Variants in DIAPH2 observed in about 807,000 individuals in gnomAD.
The protein encoded by DIAPH2 is diaphanous related formin 2, also known as protein diaphanous homolog 2.
In DIAPH2, 35 loss-of-function variants were observed where a neutral mutation model predicts 92.7. The observed-to-expected ratio is 0.38, with a 90% CI of 0.29 to 0.50. The LOEUF (loss-of-function observed/expected upper bound fraction) is 0.50. Ranked by LOEUF, DIAPH2 falls within the 20% of genes least tolerant of loss-of-function variation. The pLI is 0.94. For synonymous variants in DIAPH2, 301 were observed against 280.4 expected (o/e 1.07, Z -0.73); for missense variants, 701 against 819.5 (o/e 0.86, Z 1.77).
intron 4 of DIAPH2, among the ~76,000 whole-genome samples, chrX:96,836,717 A>ATATAT (rs2064894108): frequency 2.1e-4 from 4 of 18,895 alleles, no homozygotes; most frequent in Non-Finnish European, 2.6e-4. Flanking sequence ...ATATATATAT[A>ATATAT]TTTTTTTTTT....
In DIAPH2 at chrX:97,441,888, G is replaced by A. The variant is rs766370875; in HGVS notation, c.3241+12143G>A. 3.5e-5 allele frequency among the ~76,000 whole-genome samples: 4 copies of A among 113,342 alleles called. No homozygotes were observed. The East Asian group carries it at 1.1e-3, about 31-fold the overall frequency. On this transcript the variant is annotated intron_variant, in intron 26 of 26. Coordinates refer to ENST00000324765, the MANE Select transcript of DIAPH2 (RefSeq NM_006729.5). ...CACATGTATTGGCTAATAAGATCTAGCTTTGCATTAAGGAAGCTAGAAACT... is the reference window on the plus strand; with the variant it reads ...CACATGTATTGGCTAATAAGATCTAACTTTGCATTAAGGAAGCTAGAAACT...
chrX:97,349,792 G>A (rs1034745285), intron 24 of DIAPH2, among the ~76,000 whole-genome samples: 1 of 110,097 alleles, frequency 9.1e-6, no homozygotes, highest in African/African-American at 3.3e-5. Flanking sequence ...AATGAGAAGA[G>A]GGCTAAGAGA....
At chrX:97,377,791 A>G (rs1402640511) in intron 24 of DIAPH2, among the ~76,000 whole-genome samples, 1 of 111,698 alleles carries the variant, frequency 9.0e-6, no homozygotes, top group African/African-American at 3.3e-5. Context: ...TGGCCATAAA[A>G]TTACAGGTAA....
At chrX:96,822,545 A>G (rs902175141) in intron 4 of DIAPH2, among the ~76,000 whole-genome samples, 3 of 111,985 alleles carry the variant, frequency 2.7e-5, no homozygotes, top group African/African-American at 9.7e-5. Context: ...TTACTAGAGC[A>G]GTAGACAAAG....
intron 19 of DIAPH2, among the ~76,000 whole-genome samples, chrX:97,079,163 C>T (rs777816575): frequency 1.8e-4 from 20 of 111,055 alleles, no homozygotes; most frequent in African/African-American, 5.9e-4. Context: ...CTCCCTATTG[C>T]ATTTTACTTA....
chrX:97,352,611 G>A (rs962950694), intron 24 of DIAPH2, among the ~76,000 whole-genome samples: 3 of 108,975 alleles, frequency 2.8e-5, no homozygotes, highest in Admixed American at 9.8e-5. Flanking sequence ...GGCTCAAGCC[G>A]GTAATCCCAG....
chrX:97,135,785 A>T (rs1368543186), intron 21 of DIAPH2, among the ~76,000 whole-genome samples: 1 of 111,426 alleles, frequency 9.0e-6, no homozygotes, highest in Non-Finnish European at 1.9e-5. Flanking sequence ...TTTAGGATTT[A>T]AAAAAAAGCA....
Position 97,039,236 on chromosome X carries a change from G to T in DIAPH2, c.2051-33705G>T, listed in dbSNP as rs756912637. Among the ~76,000 whole-genome samples, 6 of 110,576 alleles carry T rather than the reference G, an allele frequency of 5.4e-5. No homozygotes were observed. The East Asian group carries it at 1.7e-3, about 31-fold the overall frequency. On this transcript the variant is annotated intron_variant, in intron 17 of 26. Coordinates refer to ENST00000324765, the MANE Select transcript of DIAPH2 (RefSeq NM_006729.5). ...TTTTCGTCTAATTTTTGTTCATATA[G>T]TTTTACTCATTTTTGTTTTACAAGT...
intron 21 of DIAPH2, among the ~76,000 whole-genome samples, chrX:97,125,302 G>A (rs1005338066): frequency 1.5e-4 from 16 of 107,738 alleles, no homozygotes; most frequent in African/African-American, 4.7e-4. Context: ...GTGAAATCCC[G>A]TCTTTACTAA....
chrX:97,348,208 C>T lies in DIAPH2; in HGVS notation c.2937C>T (p.Phe979=), dbSNP rs1277931617. 6.6e-6 allele frequency: 8 copies of T among 1,210,684 alleles called. No homozygotes were observed. The East Asian group carries it at 2.1e-4, about 31-fold the overall frequency. The change falls in exon 24 of 27, where the codon TTC becomes TTT. Residue 979 remains phenylalanine (F), a synonymous_variant. Coordinates refer to ENST00000324765, the MANE Select transcript of DIAPH2 (RefSeq NM_006729.5). ...TCTATGAGAATCTTGGAGAATACTT[C>T]ATTTTTGACTCAAAGACAGTGAGCA... The part of the protein sequence containing the change: ...MKLYENLGEY[F]IFDSKTVSIE...
chrX:96,898,640 C>G (rs1468673484), intron 5 of DIAPH2, among the ~76,000 whole-genome samples: 6 of 107,655 alleles, frequency 5.6e-5, no homozygotes, highest in African/African-American at 2.0e-4. Context: ...CTTTGTCAGA[C>G]GAGTAGGTTG....
At chrX:97,398,086 T>C (rs764500794) in intron 25 of DIAPH2, among the ~76,000 whole-genome samples, 1 of 112,301 alleles carries the variant, frequency 8.9e-6, no homozygotes, top group Non-Finnish European at 1.9e-5. Context: ...CTCATTCTAC[T>C]GAACTTCAGC....
intron 22 of DIAPH2, among the ~76,000 whole-genome samples, chrX:97,194,472 G>T (rs1398448448): frequency 9.1e-6 from 1 of 109,774 alleles, no homozygotes; most frequent in Non-Finnish European, 1.9e-5. Flanking sequence ...TTTTAGTAGA[G>T]ACGGGGTTTC....
At chrX:96,723,668 G>T in intron 1 of DIAPH2, among the ~76,000 whole-genome samples, 1 of 111,747 alleles carries the variant, frequency 8.9e-6, no homozygotes, top group African/African-American at 3.3e-5. Context: ...AAATGTAGTC[G>T]CAGAACTAAC....
At chrX:97,386,284 G>A (rs1200051626) in intron 25 of DIAPH2, among the ~76,000 whole-genome samples, 1 of 112,016 alleles carries the variant, frequency 8.9e-6, no homozygotes, top group African/African-American at 3.2e-5. Flanking sequence ...CATGACTGAG[G>A]TCACTCTATC....
intron 25 of DIAPH2, among the ~76,000 whole-genome samples, chrX:97,406,671 G>C (rs1304294187): frequency 8.9e-6 from 1 of 111,808 alleles, no homozygotes; most frequent in Non-Finnish European, 1.9e-5. Context: ...ACCAGCTGCC[G>C]TAGAAGTGCT....
chrX:97,439,006 A>G (rs749351491), intron 26 of DIAPH2, among the ~76,000 whole-genome samples: 1 of 112,219 alleles, frequency 8.9e-6, no homozygotes, highest in Non-Finnish European at 1.9e-5. Context: ...CCTCCAATGT[A>G]GAGTTTTACT....
chrX:97,384,114 A>G, intron 25 of DIAPH2, 70 bp downstream of exon 25: 2 of 921,829 alleles, frequency 2.2e-6, no homozygotes, highest in Non-Finnish European at 3.0e-6. Flanking sequence ...TTATTTTTGG[A>G]TTATAAAGTA....
At chrX:96,890,644 T>TAC (rs1057287224) in intron 5 of DIAPH2, among the ~76,000 whole-genome samples, 2 of 110,818 alleles carry the variant, frequency 1.8e-5, no homozygotes, top group Non-Finnish European at 3.8e-5. Context: ...TAAATAAGTG[T>TAC]ACACACACAC....
Sources: gnomAD v4.1 joint callset for allele counts (sites outside exome capture counted in the v4.1 genomes callset) on GRCh38, gnomAD v4.1.1 for gene constraint, MANE v1.5 for transcripts, NCBI Gene and HGNC (gene_info 2026-07-23, HGNC 2026-07-21) for gene names.